SEC24D: variants seen among roughly 807,000 people sequenced by gnomAD.
SEC24D encodes SEC24 homolog D, COPII component, also known as protein transport protein Sec24D.
Under a neutral mutation model 116.9 loss-of-function variants are expected in SEC24D, and 69 were observed. That is an observed-to-expected ratio of 0.59 (90% CI 0.49 to 0.72). The LOEUF (loss-of-function observed/expected upper bound fraction) is 0.72, where lower values mean the gene tolerates loss of function less well. SEC24D is among the 30% of genes least tolerant of loss of function. SEC24D has a pLI of 0.00. For synonymous variants in SEC24D, 405 were observed against 442.8 expected, an observed-to-expected ratio of 0.91 and a Z score of 1.07; for missense variants, 1,131 against 1,264.1, an observed-to-expected ratio of 0.89 and a Z score of 1.60.
chr4:118,733,741 C>T (rs10019780), intron 19 of SEC24D, among the ~76,000 whole-genome samples: 2,253 of 152,286 alleles, frequency 0.015, 57 homozygotes, highest in African/African-American at 0.051. Context: ...TCCACAAACA[C>T]GTTCTTCCTC....
chr4:118,777,202 G>C (rs1268956135), intron 8 of SEC24D, among the ~76,000 whole-genome samples: 3 of 151,998 alleles, frequency 2.0e-5, no homozygotes, highest in Non-Finnish European at 2.9e-5. Context: ...TGCCATGTTG[G>C]TTTGCTGCAC....
intron 10 of SEC24D, chr4:118,764,292 A>G (rs1220685851): frequency 6.6e-6 from 1 of 152,320 alleles, no homozygotes; most frequent in Non-Finnish European, 1.5e-5. Flanking sequence ...GTGACATTAT[A>G]GAGCAGGAAA....
chr4:118,780,906 G>GATTT (rs1728368824), intron 8 of SEC24D, among the ~76,000 whole-genome samples: 22 of 106,114 alleles, frequency 2.1e-4, no homozygotes, highest in Non-Finnish European at 2.9e-4. Flanking sequence ...TGCAACCCCT[G>GATTT]CTTTTTTTTT....
At chr4:118,755,464 C>CAAAA (rs34008479) in intron 11 of SEC24D, among the ~76,000 whole-genome samples, 1 of 85,084 alleles carries the variant, frequency 1.2e-5, no homozygotes, top group Non-Finnish European at 2.6e-5. Context: ...AACAAACAGA[C>CAAAA]AAAAAAAAAA....
intron 8 of SEC24D, among the ~76,000 whole-genome samples, chr4:118,790,684 T>C (rs1488794304): frequency 6.6e-6 from 1 of 151,922 alleles, no homozygotes; most frequent in East Asian, 1.9e-4. Flanking sequence ...CAAATATTCC[T>C]AAGGAACATC....
chr4:118,801,263 A>G (rs1013596717), intron 7 of SEC24D, among the ~76,000 whole-genome samples: 5 of 148,418 alleles, frequency 3.4e-5, no homozygotes, highest in African/African-American at 1.2e-4. Context: ...CTCCATCTCA[A>G]AAAAAAAAAA....
At chr4:118,773,844 G>C (rs1487902365) in intron 8 of SEC24D, among the ~76,000 whole-genome samples, 2 of 151,996 alleles carry the variant, frequency 1.3e-5, no homozygotes, top group African/African-American at 4.8e-5. Flanking sequence ...TGGCCTATAT[G>C]GACAAAAAAG....
intron 13 of SEC24D, among the ~76,000 whole-genome samples, chr4:118,750,649 C>T (rs1726777868): frequency 6.6e-6 from 1 of 151,962 alleles, no homozygotes; most frequent in African/African-American, 2.4e-5. Context: ...TTCTAGATAC[C>T]TTATTGGAGG....
intron 15 of SEC24D, among the ~76,000 whole-genome samples, chr4:118,742,983 G>A (rs781395015): frequency 7.2e-5 from 11 of 152,076 alleles, no homozygotes; most frequent in South Asian, 2.1e-4. Flanking sequence ...GAGAAACTCA[G>A]ATCGTGCCCA....
Position 118,723,369 on chromosome 4 carries a change from T to C in SEC24D, c.*146A>G. ...TGGCTTTATACCTGAGCACCAAAGC[T>C]GAAGTTCTAAATGCCATCTCTTCCT... On this transcript the variant is annotated 3_prime_UTR_variant, in exon 23 of 23. Transcript: ENST00000280551. 4.0e-6 allele frequency: 3 copies of C among 755,704 alleles called. No homozygotes were observed. The highest frequency in any genetic ancestry group is 6.3e-6 in the Non-Finnish European group (3 of 479,498). The allele number at this position is 755,704 out of a possible 1,614,324, so 46.8% of individuals were successfully genotyped here.
chr4:118,801,866 C>T (rs758194729), intron 7 of SEC24D, among the ~76,000 whole-genome samples: 10 of 152,146 alleles, frequency 6.6e-5, no homozygotes, highest in African/African-American at 1.4e-4. Context: ...GTCTGGCTAC[C>T]GTGGATAATT....
Position 118,752,905 on chromosome 4 carries a change from A to T in SEC24D, c.1422-17T>A. ...TGCTCTTCCCTGTAAGGAAAAAAAA[A>T]AGTGTTTGAGATGCTTTATAAATTT... On this transcript the variant is annotated splice_polypyrimidine_tract_variant and intron_variant, in intron 11 of 22. Transcript: ENST00000280551. 6.5e-7 allele frequency: 1 copy of T among 1,538,102 alleles called. No homozygotes were observed. The highest frequency in any genetic ancestry group is 8.7e-7 in the Non-Finnish European group (1 of 1,148,792).
intron 11 of SEC24D, among the ~76,000 whole-genome samples, chr4:118,756,676 C>T (rs769428326): frequency 2.6e-5 from 4 of 152,070 alleles, no homozygotes; most frequent in Non-Finnish European, 5.9e-5. Flanking sequence ...GGGTGGGACA[C>T]GTAGGGACTA....
intron 6 of SEC24D, among the ~76,000 whole-genome samples, chr4:118,812,290 G>A (rs555324818): frequency 1.3e-5 from 2 of 152,174 alleles, no homozygotes; most frequent in Admixed American, 6.5e-5. Flanking sequence ...TATGGGAGGC[G>A]GGCAGGGAAG....
At chr4:118,741,060 A>G (rs1333685582) in intron 15 of SEC24D, 23 bp from the exon 16 acceptor site, 7 of 1,295,464 alleles carry the variant, frequency 5.4e-6, no homozygotes, top group Non-Finnish European at 5.4e-6. Context: ...AGTCTAATCA[A>G]TGTCCACCAG....
chr4:118,764,268 G>A (rs568085775), intron 10 of SEC24D: 8 of 152,220 alleles, frequency 5.3e-5, no homozygotes, highest in Admixed American at 4.6e-4. Flanking sequence ...GTGAGTGTGG[G>A]GGCGTGTCTC....
chr4:118,782,585 G>A (rs974357945), intron 8 of SEC24D, among the ~76,000 whole-genome samples: 7 of 152,208 alleles, frequency 4.6e-5, no homozygotes, highest in Admixed American at 6.5e-5. Context: ...CAGTCTGTCC[G>A]TTCTCAGAGC....
chr4:118,725,024 T>C (rs757917717), intron 22 of SEC24D, among the ~76,000 whole-genome samples: 4 of 152,256 alleles, frequency 2.6e-5, no homozygotes, highest in Non-Finnish European at 5.9e-5. Context: ...CTATGCTTTT[T>C]AGTTATCAAG....
intron 6 of SEC24D, among the ~76,000 whole-genome samples, chr4:118,807,167 G>A (rs939568640): frequency 6.6e-6 from 1 of 152,146 alleles, no homozygotes; most frequent in African/African-American, 2.4e-5. Context: ...GGTTCCTTGA[G>A]ATGTAAGACA....
Sources: gnomAD v4.1 joint callset for allele counts (sites outside exome capture counted in the v4.1 genomes callset) on GRCh38, gnomAD v4.1.1 for gene constraint, MANE v1.5 for transcripts, NCBI Gene and HGNC (gene_info 2026-07-23, HGNC 2026-07-21) for gene names.